Variants in MYO16 observed in about 807,000 individuals in gnomAD.
The protein encoded by MYO16 is myosin XVI, also known as unconventional myosin-XVI.
In MYO16, 94 loss-of-function variants were observed where a neutral mutation model predicts 205.3. The observed-to-expected ratio is 0.46, with a 90% CI of 0.39 to 0.54. The LOEUF (loss-of-function observed/expected upper bound fraction) is 0.54. MYO16 is among the 20% of genes least tolerant of loss of function. The pLI is 0.00. For synonymous variants in MYO16, 988 were observed against 954.0 expected, an observed-to-expected ratio of 1.04 and a Z score of -0.66; for missense variants, 2,315 against 2,387.5, an observed-to-expected ratio of 0.97 and a Z score of 0.63.
intron 5 of MYO16, among the ~76,000 whole-genome samples, 154 bp from the exon 6 acceptor site, chr13:108,793,362 A>G (rs1203951303): frequency 1.3e-5 from 2 of 152,236 alleles, no homozygotes; most frequent in Non-Finnish European, 2.9e-5. Context: ...TAGAATATGT[A>G]CAAAGATAAT....
intron 1 of MYO16, among the ~76,000 whole-genome samples, chr13:108,614,801 A>T (rs66533295): frequency 0.15 from 22,009 of 142,088 alleles, 1,940 homozygotes; most frequent in Middle Eastern, 0.22. Flanking sequence ...ACTTCATACC[A>T]TATACACAAA....
chr13:108,592,264 C>G (rs1203359350), upstream of MYO16, among the ~76,000 whole-genome samples: 2 of 26,342 alleles, frequency 7.6e-5, no homozygotes, highest in African/African-American at 1.9e-4. Context: ...GTGTGAGGTA[C>G]GTGTGGGTGT....
chr13:108,529,075 T>C, the MYO16 span, among the ~76,000 whole-genome samples: 1 of 152,158 alleles, frequency 6.6e-6, no homozygotes, highest in African/African-American at 2.4e-5. Flanking sequence ...AGAAAGACTT[T>C]CTTACTAATT....
intron 27 of MYO16, among the ~76,000 whole-genome samples, chr13:109,068,515 T>TA (rs11389117): frequency 0.5 from 75,817 of 151,804 alleles, 18,976 homozygotes; most frequent in Middle Eastern, 0.55. Context: ...TCTTTAAGAA[T>TA]ATTCTTTCTC....
chr13:109,039,703 T>G (rs1029423766), intron 23 of MYO16, among the ~76,000 whole-genome samples: 1 of 152,130 alleles, frequency 6.6e-6, no homozygotes, highest in Non-Finnish European at 1.5e-5. Flanking sequence ...TAAAATAGTA[T>G]TGAATGAGAA....
At chr13:108,727,372 T>C (rs1276527807) in intron 3 of MYO16, 68 bp from the exon 4 acceptor site, 15 of 1,503,436 alleles carry the variant, frequency 1.0e-5, no homozygotes, top group South Asian at 8.8e-5. Flanking sequence ...TTTAAATCTG[T>C]GGACATTTGG....
At chr13:108,624,026 G>T (rs999051814) in intron 1 of MYO16, among the ~76,000 whole-genome samples, 3 of 152,136 alleles carry the variant, frequency 2.0e-5, no homozygotes, top group African/African-American at 7.2e-5. Flanking sequence ...GTAACTTAGT[G>T]TGATTAAATT....
chr13:109,020,820 C>T (rs900837209), intron 23 of MYO16, among the ~76,000 whole-genome samples: 3 of 152,090 alleles, frequency 2.0e-5, no homozygotes, highest in Admixed American at 1.3e-4. Flanking sequence ...CAGTTCATTT[C>T]GACCAGTGTT....
intron 16 of MYO16, among the ~76,000 whole-genome samples, chr13:108,939,528 G>A (rs990137193): frequency 6.6e-6 from 1 of 152,174 alleles, no homozygotes; most frequent in Non-Finnish European, 1.5e-5. Context: ...TTTTAATTGG[G>A]TTGATCCTTC....
intron 4 of MYO16, among the ~76,000 whole-genome samples, chr13:108,735,213 T>G (rs888944026): frequency 3.3e-5 from 5 of 152,174 alleles, no homozygotes; most frequent in Non-Finnish European, 7.4e-5. Flanking sequence ...GCTGCACCCA[T>G]TAACTCGTCA....
chr13:108,566,246 A>C, the MYO16 span, among the ~76,000 whole-genome samples: 3 of 152,184 alleles, frequency 2.0e-5, no homozygotes, highest in Admixed American at 6.5e-5. Context: ...TTCATGGTTG[A>C]ATATTGGTAG....
chr13:108,886,572 C>G (rs1879899591), intron 13 of MYO16: 3 of 444,058 alleles, frequency 6.8e-6, no homozygotes, highest in Non-Finnish European at 1.4e-5. Flanking sequence ...GAGCTTAGGG[C>G]GCAAACTGCT....
chr13:108,521,402 A>T, the MYO16 span, among the ~76,000 whole-genome samples: 24 of 152,382 alleles, frequency 1.6e-4, no homozygotes, highest in Non-Finnish European at 1.3e-4. Context: ...GTCAGCACTG[A>T]CTAGCAAGGA....
intron 12 of MYO16, among the ~76,000 whole-genome samples, chr13:108,878,209 G>A (rs940186789): frequency 1.3e-5 from 2 of 152,070 alleles, no homozygotes; most frequent in Non-Finnish European, 2.9e-5. Flanking sequence ...CCCTAAATGG[G>A]AACAGATATT....
chr13:109,057,806 T>C (rs568792122), intron 27 of MYO16, among the ~76,000 whole-genome samples: 66 of 151,946 alleles, frequency 4.3e-4, no homozygotes, highest in Admixed American at 9.8e-4. Flanking sequence ...CAACAGGGAG[T>C]AGGGACCGGG....
At chr13:109,173,048 T>G (rs1878985229) in intron 33 of MYO16, among the ~76,000 whole-genome samples, 1 of 151,818 alleles carries the variant, frequency 6.6e-6, no homozygotes. Context: ...CTGGGTGGAG[T>G]TCAGGGGAAG....
chr13:108,877,182 A>G (rs1228465219), intron 12 of MYO16, among the ~76,000 whole-genome samples: 2 of 152,210 alleles, frequency 1.3e-5, no homozygotes, highest in Non-Finnish European at 2.9e-5. Flanking sequence ...GAATTGTTTT[A>G]TAAATGCTCT....
chr13:109,102,410 ATATTCT>A (rs1311839646), intron 28 of MYO16, among the ~76,000 whole-genome samples: 2 of 152,094 alleles, frequency 1.3e-5, no homozygotes, highest in Non-Finnish European at 2.9e-5. Flanking sequence ...TAACACTAAG[ATATTCT>A]TATTGTATTA....
chr13:108,605,025 A>T (rs1878900016), intron 1 of MYO16, among the ~76,000 whole-genome samples: 1 of 152,182 alleles, frequency 6.6e-6, no homozygotes, highest in African/African-American at 2.4e-5. Context: ...TTCAGGAATT[A>T]TCAGTGGAGT....
Sources: gnomAD v4.1 joint callset for allele counts (sites outside exome capture counted in the v4.1 genomes callset) on GRCh38, gnomAD v4.1.1 for gene constraint, MANE v1.5 for transcripts, NCBI Gene and HGNC (gene_info 2026-07-23, HGNC 2026-07-21) for gene names.